SLC5A4: variants seen among roughly 807,000 people sequenced by gnomAD.
SLC5A4 encodes the protein probable glucose sensor protein SLC5A4.
In SLC5A4, 55 loss-of-function variants were observed where a neutral mutation model predicts 70.3. The observed-to-expected ratio is 0.78, with a 90% CI of 0.63 to 0.98. The LOEUF (loss-of-function observed/expected upper bound fraction) is 0.98, where lower values mean the gene tolerates loss of function less well. Ranked by LOEUF, SLC5A4 falls within the 50% of genes least tolerant of loss-of-function variation. The pLI, the probability that SLC5A4 is intolerant of heterozygous loss-of-function variation, is 0.00. For synonymous variants in SLC5A4, 268 were observed against 305.7 expected (o/e 0.88, Z 1.29); for missense variants, 735 against 839.2 (o/e 0.88, Z 1.53).
the SLC5A4 span, among the ~76,000 whole-genome samples, chr22:32,314,581 A>T: frequency 1.3e-5 from 2 of 152,184 alleles, no homozygotes; most frequent in African/African-American, 4.8e-5. Flanking sequence ...AATGATTCAG[A>T]AAAGTTTAAT....
the SLC5A4 span, among the ~76,000 whole-genome samples, chr22:32,274,331 C>T: frequency 1.3e-5 from 2 of 152,122 alleles, no homozygotes; most frequent in African/African-American, 2.4e-5. Context: ...TGAGCCACTG[C>T]GCCCGGCCCA....
chr22:32,320,768 C>T, the SLC5A4 span, among the ~76,000 whole-genome samples: 7 of 152,132 alleles, frequency 4.6e-5, no homozygotes, highest in Non-Finnish European at 1.0e-4. Flanking sequence ...TAACAAAATT[C>T]GTAAGACAGT....
At chr22:32,311,421 G>A in the SLC5A4 span, among the ~76,000 whole-genome samples, 55,200 of 152,086 alleles carry the variant, frequency 0.36, 10,160 homozygotes, top group African/African-American at 0.41. Context: ...TGGAATGAGT[G>A]TGTCTACACT....
intron 5 of SLC5A4, among the ~76,000 whole-genome samples, chr22:32,240,034 A>G (rs1288085435): frequency 6.6e-6 from 1 of 151,510 alleles, no homozygotes; most frequent in Non-Finnish European, 1.5e-5. Flanking sequence ...AAAAAAAAAA[A>G]AAAAAAAAAG....
intron 10 of SLC5A4, among the ~76,000 whole-genome samples, chr22:32,230,610 T>G (rs1925692500): frequency 6.6e-6 from 1 of 152,222 alleles, no homozygotes; most frequent in Non-Finnish European, 1.5e-5. Context: ...TTTGGTTTAT[T>G]TGGTTATCAC....
chr22:32,251,355 CT>C (rs1927143284), intron 3 of SLC5A4, among the ~76,000 whole-genome samples: 1 of 151,974 alleles, frequency 6.6e-6, no homozygotes, highest in African/African-American at 2.4e-5. Flanking sequence ...TATGAGGGCT[CT>C]TCCCTCATAA....
intron 11 of SLC5A4, 126 bp downstream of exon 11, chr22:32,229,068 A>G (rs1925575940): frequency 1.2e-6 from 1 of 824,490 alleles, no homozygotes; most frequent in Admixed American, 2.5e-5. Flanking sequence ...GATGTACTCC[A>G]ATGTCTCTTC....
the SLC5A4 span, among the ~76,000 whole-genome samples, chr22:32,333,621 C>T: frequency 1.3e-5 from 2 of 152,116 alleles, no homozygotes; most frequent in Non-Finnish European, 2.9e-5. Flanking sequence ...TTCCTTCAGC[C>T]CGGGCTCTGA....
At chr22:32,241,957 G>T (rs2145684269) in intron 5 of SLC5A4, among the ~76,000 whole-genome samples, 1 of 151,844 alleles carries the variant, frequency 6.6e-6, no homozygotes, top group Middle Eastern at 3.4e-3. Flanking sequence ...ATATAGAATT[G>T]CAGAAGGCAA....
At chr22:32,300,204 CTTTG>C in the SLC5A4 span, among the ~76,000 whole-genome samples, 20 of 152,142 alleles carry the variant, frequency 1.3e-4, no homozygotes, top group African/African-American at 3.6e-4. Context: ...TTCCCAGCTG[CTTTG>C]TTTACCTAAT....
At chr22:32,299,213 T>C in the SLC5A4 span, among the ~76,000 whole-genome samples, 1 of 97,624 alleles carries the variant, frequency 1.0e-5, no homozygotes, top group African/African-American at 3.8e-5. Context: ...CCTTGCTAGA[T>C]TGGGGAAGTT....
the SLC5A4 span, among the ~76,000 whole-genome samples, chr22:32,278,649 T>C: frequency 6.6e-6 from 1 of 152,208 alleles, no homozygotes; most frequent in South Asian, 2.1e-4. Flanking sequence ...TAAAAAATAC[T>C]ATATTCAAAG....
the SLC5A4 span, among the ~76,000 whole-genome samples, chr22:32,302,443 A>C: frequency 1.3e-5 from 2 of 152,148 alleles, no homozygotes; most frequent in African/African-American, 4.8e-5. Flanking sequence ...ATAGTTTTAC[A>C]TTTAACATTT....
At chr22:32,335,064 A>G in the SLC5A4 span, among the ~76,000 whole-genome samples, 2 of 152,176 alleles carry the variant, frequency 1.3e-5, no homozygotes, top group Non-Finnish European at 2.9e-5. Flanking sequence ...CCTGCCTCCA[A>G]GAGATCACAG....
the SLC5A4 span, chr22:32,327,266 C>A: frequency 6.6e-6 from 1 of 152,262 alleles, no homozygotes; most frequent in African/African-American, 2.4e-5. Flanking sequence ...GGTATGTCCA[C>A]ACAATGCAAT....
intron 7 of SLC5A4, among the ~76,000 whole-genome samples, chr22:32,236,231 T>A (rs367699583): frequency 2.4e-4 from 37 of 152,246 alleles, no homozygotes; most frequent in African/African-American, 7.7e-4. Context: ...CCGTCCAGTA[T>A]GGCTAGTTTT....
the SLC5A4 span, chr22:32,272,705 T>C: frequency 1.9e-6 from 1 of 523,098 alleles, no homozygotes; most frequent in Non-Finnish European, 3.6e-6. Context: ...CAGACTTCCA[T>C]GTGGGTGCCC....
chr22:32,257,592 A>G (rs1263595862), upstream of SLC5A4, among the ~76,000 whole-genome samples: 3 of 151,538 alleles, frequency 2.0e-5, no homozygotes, highest in Non-Finnish European at 4.4e-5. Flanking sequence ...GGCTCAAGTA[A>G]TTCCTTGTCT....
chr22:32,348,808 A>G, the SLC5A4 span, among the ~76,000 whole-genome samples: 1 of 152,186 alleles, frequency 6.6e-6, no homozygotes, highest in South Asian at 2.1e-4. Flanking sequence ...CTGTTTTAAT[A>G]TTTAATTTAT....
Sources: gnomAD v4.1 joint callset for allele counts (sites outside exome capture counted in the v4.1 genomes callset) on GRCh38, gnomAD v4.1.1 for gene constraint, MANE v1.5 for transcripts, NCBI Gene and HGNC (gene_info 2026-07-23, HGNC 2026-07-21) for gene names.